Variants in RFTN1 observed in about 807,000 individuals in gnomAD.
The protein encoded by RFTN1 is raftlin, lipid raft linker 1, also known as raftlin.
RFTN1 carries 26 observed loss-of-function variants against 46.5 expected under a neutral mutation model. The observed-to-expected ratio is 0.56, with a 90% CI of 0.41 to 0.78. The LOEUF is 0.78. Among genes scored for constraint, RFTN1 ranks in the 30% least tolerant of loss-of-function variants. The pLI is 0.00. For synonymous variants in RFTN1, 261 were observed against 284.2 expected (o/e 0.92, Z 0.82); for missense variants, 693 against 718.7 (o/e 0.96, Z 0.41).
rs73041449 is a variant in RFTN1 at position 16,380,659 on chromosome 3, C to A, written c.442-2557G>T. ...ATTCTCAGGCCCCACCACAGACCTA[C>A]TGAGTCAGAAACTCTGAGGGTGAGA... On this transcript the variant is annotated intron_variant, in intron 4 of 9. Coordinates refer to ENST00000334133, the MANE Select transcript of RFTN1 (RefSeq NM_015150.2). This position sits in a 1 kb window ranked among gnomAD's most constrained non-coding sequence, Gnocchi z 4.8. Among the ~76,000 whole-genome samples the A allele has an allele frequency of 0.06, 9,148 of 152,168 alleles. 324 individuals are homozygous for A. Among genetic ancestry groups the A allele is most frequent in the Middle Eastern group, 0.15 (44 of 294 alleles).
At chr3:16,396,349 C>T (rs927905887) in intron 4 of RFTN1, among the ~76,000 whole-genome samples, 9 of 152,122 alleles carry the variant, frequency 5.9e-5, no homozygotes, top group African/African-American at 2.2e-4. Context: ...AGTGCAGCAG[C>T]GTGATCCTAG....
At chr3:16,445,483 T>TCACACACACACA (rs10681518) in intron 2 of RFTN1, among the ~76,000 whole-genome samples, 1,298 of 126,826 alleles carry the variant, frequency 0.01, 34 homozygotes, top group African/African-American at 0.033. Context: ...TCTCTCTCTC[T>TCACACACACACA]CACACACACA....
chr3:16,395,433 G>C (rs1354546117), intron 4 of RFTN1, among the ~76,000 whole-genome samples: 3 of 150,892 alleles, frequency 2.0e-5, no homozygotes, highest in Non-Finnish European at 3.0e-5. Context: ...CGACTCATGA[G>C]ACCAAGGAGC....
chr3:16,486,087 C>T (rs559244540), intron 2 of RFTN1, among the ~76,000 whole-genome samples: 1 of 152,042 alleles, frequency 6.6e-6, no homozygotes, highest in South Asian at 2.1e-4. Context: ...CCAGCACACC[C>T]ACCTCCTCCT....
intron 2 of RFTN1, among the ~76,000 whole-genome samples, chr3:16,436,281 G>C (rs2075512782): frequency 1.3e-5 from 2 of 150,546 alleles, no homozygotes; most frequent in Non-Finnish European, 3.0e-5. Flanking sequence ...AGGAAATTTA[G>C]TTTTTGATGT....
intron 5 of RFTN1, among the ~76,000 whole-genome samples, chr3:16,375,478 A>G (rs1053882114): frequency 6.6e-6 from 1 of 152,064 alleles, no homozygotes; most frequent in African/African-American, 2.4e-5. Context: ...ATGACACAAG[A>G]AGGACACAGA....
intron 6 of RFTN1, among the ~76,000 whole-genome samples, chr3:16,366,449 CT>C (rs1465771385): frequency 6.6e-6 from 1 of 151,658 alleles, no homozygotes; most frequent in African/African-American, 2.4e-5. Flanking sequence ...GGCCCCTGGA[CT>C]CATTCTTGCT....
chr3:16,451,732 A>AT lies in RFTN1; in HGVS notation c.146-17696dup, dbSNP rs1053460425. Among the ~76,000 whole-genome samples, 7 of 151,550 alleles carry AT rather than the reference A, an allele frequency of 4.6e-5. No homozygotes were observed. Among genetic ancestry groups the AT allele is most frequent in the South Asian group, 2.1e-4 (1 of 4,782 alleles). On this transcript the variant is annotated intron_variant, in intron 2 of 9. Coordinates refer to ENST00000334133, the MANE Select transcript of RFTN1 (RefSeq NM_015150.2). The surrounding 1 kb of genome is among the most constrained non-coding windows in gnomAD (Gnocchi z 4.2). ...GTGTGACAGCAAAACTACTAGCGTG[A>AT]TTTTTTTTTCCTTCCTCACAATTTC...
At chr3:16,492,110 G>A (rs770732402) in intron 2 of RFTN1, among the ~76,000 whole-genome samples, 5 of 152,276 alleles carry the variant, frequency 3.3e-5, no homozygotes, top group African/African-American at 4.8e-5. Flanking sequence ...GTATCTGCAC[G>A]TTTAAGAGGA....
intron 2 of RFTN1, among the ~76,000 whole-genome samples, chr3:16,478,218 C>G (rs2076314346): frequency 6.6e-6 from 1 of 152,092 alleles, no homozygotes; most frequent in Admixed American, 6.5e-5. Context: ...TTAATGTGAC[C>G]CCTTTGTTAT....
At chr3:16,330,419 A>C (rs971527311) in intron 7 of RFTN1, among the ~76,000 whole-genome samples, 2 of 152,220 alleles carry the variant, frequency 1.3e-5, no homozygotes, top group African/African-American at 4.8e-5. Flanking sequence ...TTTTAAGTCC[A>C]TTAGCTAAGA....
chr3:16,350,716 G>A (rs952772669), intron 7 of RFTN1, among the ~76,000 whole-genome samples: 1 of 152,066 alleles, frequency 6.6e-6, no homozygotes, highest in Non-Finnish European at 1.5e-5. Context: ...GAGGGGTTTG[G>A]GTGTTGATTC....
At chr3:16,415,034 A>G (rs2075047730) in intron 3 of RFTN1, among the ~76,000 whole-genome samples, 2 of 152,094 alleles carry the variant, frequency 1.3e-5, no homozygotes, top group African/African-American at 4.8e-5. Context: ...TTTTAAAAGG[A>G]TCCCTCTGGC....
rs1001290227 is a variant in RFTN1 at position 16,479,010 on chromosome 3, G to A, written c.145+14715C>T. 3.0e-4 allele frequency among the ~76,000 whole-genome samples: 46 copies of A among 152,280 alleles called. No individual in the cohort carries two copies. Among genetic ancestry groups the A allele is most frequent in the African/African-American group, 9.4e-4 (39 of 41,560 alleles). ...AGCAATTCACTAGGTACACAAGGCC[G>A]TGGATACCAGTAGGCAGGGGTCACT... On this transcript the variant is annotated intron_variant, in intron 2 of 9. Transcript: ENST00000334133. This position sits in a 1 kb window ranked among gnomAD's most constrained non-coding sequence, Gnocchi z 5.1.
Position 16,317,164 on chromosome 3 carries a change from ACT to A in RFTN1, c.1399_1400del (p.Ser467CysfsTer11), listed in dbSNP as rs756487946. The A allele has an allele frequency of 5.0e-6, 8 of 1,613,602 alleles. No homozygotes were observed. In the East Asian group the frequency reaches 1.8e-4, roughly 36 times the overall value. ...CTTCTGCTTGTTGTTTGTCTCTGGC[ACT>A]GAGTTTACCTTTTGATTTCCTCATC... ...RQMRKSKGKLSARDKQQAEEN... is the reference protein window; with the variant it reads ...RQMRKSKGKLXARDKQQAEEN... On this transcript the variant is annotated frameshift_variant, in exon 10 of 10. Transcript: ENST00000334133. LOFTEE classifies it low-confidence loss of function (END_TRUNC). This position sits in a 1 kb window ranked among gnomAD's most constrained non-coding sequence, Gnocchi z 4.3.
intron 2 of RFTN1, 100 bp from the exon 3 acceptor site, chr3:16,434,137 G>T: frequency 1.0e-6 from 1 of 985,094 alleles, no homozygotes. Flanking sequence ...GATCCTCTAG[G>T]TCACTGCTAA....
rs893101102 is a variant in RFTN1, at chr3:16,447,422, G to A, written c.146-13385C>T. 2.9e-4 allele frequency among the ~76,000 whole-genome samples: 44 copies of A among 152,224 alleles called. No individual in the cohort carries two copies. The highest frequency in any genetic ancestry group is 1.0e-3 in the African/African-American group (42 of 41,528). On this transcript the variant is annotated intron_variant, in intron 2 of 9. Transcript: ENST00000334133. This position sits in a 1 kb window ranked among gnomAD's most constrained non-coding sequence, Gnocchi z 5.9. ...TCATACACACGAGTTGAGCAGCTCC[G>A]GCTCCATTAACCAATTTGCATGCAA...
intron 7 of RFTN1, chr3:16,350,198 T>C (rs375216301): frequency 6.6e-6 from 1 of 152,374 alleles, no homozygotes; most frequent in African/African-American, 2.4e-5. Context: ...TGTCAGCTTA[T>C]ACAGAATGAC....
At chr3:16,405,625 T>A (rs578021866) in intron 4 of RFTN1, among the ~76,000 whole-genome samples, 42 of 152,306 alleles carry the variant, frequency 2.8e-4, no homozygotes, top group Admixed American at 9.8e-4. Context: ...TTTTCCTAAT[T>A]GTGAGAAATA....
Sources: gnomAD v4.1 joint callset for allele counts (sites outside exome capture counted in the v4.1 genomes callset) on GRCh38, gnomAD v4.1.1 for gene constraint, Gnocchi (gnomAD v3.1) non-coding constraint, MANE v1.5 for transcripts, NCBI Gene and HGNC (gene_info 2026-07-23, HGNC 2026-07-21) for gene names.